The following CNOT6L variants were observed in gnomAD, a reference collection of about 807,000 sequenced individuals.
CNOT6L encodes CCR4-NOT transcription complex subunit 6-like.
Under a neutral mutation model 64.0 loss-of-function variants are expected in CNOT6L, and 7 were observed. That is an observed-to-expected ratio of 0.11 (90% CI 0.06 to 0.21). The LOEUF is 0.21. Ranked by LOEUF, CNOT6L falls within the 10% of genes least tolerant of loss-of-function variation. The probability of loss-of-function intolerance (pLI) is 1.00; values close to 1 mark genes in which losing one functional copy is unlikely to be tolerated. For missense variants in CNOT6L, 245 were observed against 669.0 expected (o/e 0.37, Z 6.99); for synonymous variants, 193 against 243.4 (o/e 0.79, Z 1.93).
intron 4 of CNOT6L, among the ~76,000 whole-genome samples, chr4:77,769,914 C>T (rs568653950): frequency 6.3e-4 from 96 of 152,034 alleles, no homozygotes; most frequent in Admixed American, 2.0e-3. Flanking sequence ...GCCCATATGT[C>T]GGATAAAGTA....
intron 1 of CNOT6L, among the ~76,000 whole-genome samples, chr4:77,807,743 G>A (rs1020063588): frequency 5.3e-5 from 8 of 152,176 alleles, no homozygotes; most frequent in Admixed American, 5.2e-4. Flanking sequence ...TACACATAAT[G>A]CTAAGAAATT....
chr4:77,803,747 T>C (rs1297772358), intron 1 of CNOT6L, among the ~76,000 whole-genome samples: 2 of 151,686 alleles, frequency 1.3e-5, no homozygotes, highest in East Asian at 1.9e-4. Context: ...CCACCAAAAA[T>C]ACAAAATTAG....
intron 10 of CNOT6L, among the ~76,000 whole-genome samples, chr4:77,727,250 T>C (rs1037623281): frequency 2.0e-5 from 3 of 152,096 alleles, no homozygotes; most frequent in African/African-American, 4.8e-5. Flanking sequence ...GATAACATGA[T>C]TCCCCCCTTG....
At chr4:77,765,833 G>A (rs775812894) in intron 4 of CNOT6L, among the ~76,000 whole-genome samples, 18 of 152,080 alleles carry the variant, frequency 1.2e-4, no homozygotes, top group Admixed American at 7.2e-4. Flanking sequence ...GTTACCCTGG[G>A]GAAGCAAGAC....
In CNOT6L at chr4:77,744,840, C is replaced by T. The variant is rs1560584178; in HGVS notation, c.595G>A (p.Asp199Asn). ...TATAGCTGCCGGGTAGCGTATTTAT[C>T]ACATAACACATTGTAACACATAACC... ...FTVMCYNVLC[D>N]KYATRQLYGY... Residue 199 changes from aspartate to asparagine, a missense_variant, in exon 7 of 12, where the codon GAT becomes AAT. Coordinates refer to ENST00000504123, the MANE Select transcript of CNOT6L (RefSeq NM_144571.3). The T allele has an allele frequency of 1.9e-6, 3 of 1,612,916 alleles. No homozygotes were observed. Among genetic ancestry groups the T allele is most frequent in the Non-Finnish European group, 2.5e-6 (3 of 1,179,550 alleles).
In CNOT6L at chr4:77,718,405, T is replaced by C. The variant is rs1720963729; in HGVS notation, c.*2026A>G. 1 of 152,624 alleles carries C rather than the reference T, an allele frequency of 6.6e-6. No individual in the cohort carries two copies. The highest frequency in any genetic ancestry group is 1.5e-5 in the Non-Finnish European group (1 of 68,040). The allele number at this position is 152,624 out of a possible 1,614,324, so 9.5% of individuals were successfully genotyped here. A position where few individuals can be genotyped will look rare whatever the true frequency, so the allele number is the denominator to read the frequency against. On this transcript the variant is annotated 3_prime_UTR_variant, in exon 12 of 12. Transcript: ENST00000504123. ...GCTTCAGGTAATCAATTTGCATGGC[T>C]AGATGTTGGATACTTGAGGTATATA...
At chr4:77,795,206 A>G (rs570402609) in intron 1 of CNOT6L, among the ~76,000 whole-genome samples, 2 of 151,974 alleles carry the variant, frequency 1.3e-5, no homozygotes, top group African/African-American at 4.8e-5. Flanking sequence ...TTTAGTAGAG[A>G]CGGGGTTTCT....
chr4:77,766,800 A>G (rs1349663797), intron 4 of CNOT6L, among the ~76,000 whole-genome samples: 1 of 151,858 alleles, frequency 6.6e-6, no homozygotes, highest in Non-Finnish European at 1.5e-5. Context: ...ACGGTGGCTC[A>G]TACCTGTAAT....
chr4:77,779,837 G>A (rs943419214), intron 1 of CNOT6L, among the ~76,000 whole-genome samples: 1 of 152,078 alleles, frequency 6.6e-6, no homozygotes, highest in East Asian at 1.9e-4. Flanking sequence ...GGTCGCGGGC[G>A]CCTGTAGTCC....
At chr4:77,768,733 T>C (rs969298145) in intron 4 of CNOT6L, among the ~76,000 whole-genome samples, 2 of 151,722 alleles carry the variant, frequency 1.3e-5, no homozygotes, top group Non-Finnish European at 2.9e-5. Flanking sequence ...ATTAGGAAAA[T>C]GTAAATTAAG....
At chr4:77,725,577 C>G (rs1367756207) in intron 11 of CNOT6L, among the ~76,000 whole-genome samples, 1 of 152,058 alleles carries the variant, frequency 6.6e-6, no homozygotes. Context: ...CAAAAAATGT[C>G]TTTCTTTTCC....
At chr4:77,796,985 G>A (rs1216263793) in intron 1 of CNOT6L, among the ~76,000 whole-genome samples, 1 of 150,978 alleles carries the variant, frequency 6.6e-6, no homozygotes, top group East Asian at 2.0e-4. Flanking sequence ...TGGGAGGCTG[G>A]GATGAGAGGA....
chr4:77,818,857 A>C, intron 1 of CNOT6L: 3 of 244,950 alleles, frequency 1.2e-5, no homozygotes, highest in East Asian at 1.3e-4. Context: ...CGGCCGGGGA[A>C]CGGCGGCCCC....
At chr4:77,772,463 CCTTT>C (rs1720357784) in intron 4 of CNOT6L, among the ~76,000 whole-genome samples, 1 of 151,704 alleles carries the variant, frequency 6.6e-6, no homozygotes, top group South Asian at 2.1e-4. Context: ...CCTAGTATTC[CCTTT>C]TTTTTTTTAA....
intron 5 of CNOT6L, among the ~76,000 whole-genome samples, chr4:77,754,107 G>A (rs994176545): frequency 6.6e-6 from 1 of 152,056 alleles, no homozygotes; most frequent in Non-Finnish European, 1.5e-5. Flanking sequence ...ATTAGAAATG[G>A]AGTAATACAA....
At chr4:77,761,427 T>G (rs10005935) in intron 4 of CNOT6L, among the ~76,000 whole-genome samples, 82,143 of 151,890 alleles carry the variant, frequency 0.54, 22,484 homozygotes, top group Admixed American at 0.57. Context: ...ATAAAGAAAA[T>G]TCCAAGCTCA....
chr4:77,786,150 G>A (rs746038788), intron 1 of CNOT6L, among the ~76,000 whole-genome samples: 1 of 151,844 alleles, frequency 6.6e-6, no homozygotes, highest in African/African-American at 2.4e-5. Context: ...GCATGGTGGC[G>A]GACACCTGTA....
intron 8 of CNOT6L, among the ~76,000 whole-genome samples, chr4:77,737,070 C>T (rs1306597238): frequency 1.3e-5 from 2 of 152,178 alleles, no homozygotes; most frequent in African/African-American, 4.8e-5. Context: ...AGGACAGTGA[C>T]TGCCAACTAT....
At chr4:77,739,575 A>G (rs1346809166) in intron 8 of CNOT6L, among the ~76,000 whole-genome samples, 5 of 152,342 alleles carry the variant, frequency 3.3e-5, no homozygotes, top group African/African-American at 9.6e-5. Flanking sequence ...GTCAGCTAAG[A>G]CATGGATAAA....
Sources: allele counts gnomAD v4.1 joint callset (sites outside exome capture counted in the v4.1 genomes callset), GRCh38; gene constraint gnomAD v4.1.1; transcripts MANE v1.5; gene names NCBI Gene and HGNC (gene_info 2026-07-23, HGNC 2026-07-21).